Variants in ARID2 observed in about 807,000 individuals in gnomAD.
ARID2 encodes AT-rich interactive domain-containing protein 2.
Under a neutral mutation model 184.6 loss-of-function variants are expected in ARID2, and 32 were observed. The observed-to-expected ratio is 0.17, with a 90% CI of 0.13 to 0.23. ARID2 has a LOEUF of 0.23. Among genes scored for constraint, ARID2 ranks in the 10% least tolerant of loss-of-function variants. The probability of loss-of-function intolerance (pLI) is 1.00; values close to 1 mark genes in which losing one functional copy is unlikely to be tolerated. For missense variants in ARID2, 1,696 were observed against 2,197.6 expected (o/e 0.77, Z 4.56); for synonymous variants, 836 against 772.6 (o/e 1.08, Z -1.36).
chr12:45,836,158 A>G (rs1443893604), intron 6 of ARID2, among the ~76,000 whole-genome samples: 1 of 152,234 alleles, frequency 6.6e-6, no homozygotes, highest in Non-Finnish European at 1.5e-5. Flanking sequence ...CACATGAACT[A>G]AAAATAAGTA....
At chr12:45,811,610 A>G (rs1942710233) in intron 4 of ARID2, 59 bp downstream of exon 4, 1 of 1,573,852 alleles carries the variant, frequency 6.4e-7, no homozygotes, top group African/African-American at 1.4e-5. Context: ...AGGAAAATAG[A>G]CATCATCCAA....
chr12:45,894,788 T>C (rs1944348157), intron 20 of ARID2, among the ~76,000 whole-genome samples: 1 of 152,218 alleles, frequency 6.6e-6, no homozygotes, highest in Admixed American at 6.5e-5. Flanking sequence ...AGTATCTTCA[T>C]GATTTAGTTC....
chr12:45,865,740 T>G (rs1405452339), intron 16 of ARID2, among the ~76,000 whole-genome samples: 2 of 152,124 alleles, frequency 1.3e-5, no homozygotes, highest in African/African-American at 4.8e-5. Context: ...ACTTTTTTCT[T>G]CAATTTGTCA....
At chr12:45,813,703 A>G (rs541464828) in intron 4 of ARID2, among the ~76,000 whole-genome samples, 3 of 152,320 alleles carry the variant, frequency 2.0e-5, no homozygotes, top group African/African-American at 7.2e-5. Flanking sequence ...GTGCTAGAAT[A>G]TAGAACATCG....
chr12:45,742,607 T>G (rs578108896), intron 3 of ARID2, among the ~76,000 whole-genome samples: 8 of 152,338 alleles, frequency 5.3e-5, no homozygotes, highest in Admixed American at 3.3e-4. Flanking sequence ...GTTCATAGAA[T>G]CCCATTATTA....
intron 3 of ARID2, among the ~76,000 whole-genome samples, chr12:45,789,855 G>C (rs987097293): frequency 7.9e-5 from 12 of 152,126 alleles, no homozygotes; most frequent in African/African-American, 2.9e-4. Context: ...AGTGGCTTAT[G>C]TCTGTAATCC....
At position 45,849,725 on chromosome 12, in the gene ARID2, G is replaced by A. The variant is rs201224068; in HGVS notation, c.1861G>A (p.Val621Ile). ...TCAGCAGCAACCAGTTTCTACTTCT[G>A]TTGTTCGTGTTGATTCTGTTCCTGA... ...YYQQQPVSTSVVRVDSVPDVS... is the reference protein window; with the variant it reads ...YYQQQPVSTSIVRVDSVPDVS... The change falls in exon 14 of 21, where the codon GTT becomes ATT. Residue 621 changes from valine to isoleucine, a missense_variant. This residue lies in a region of ARID2 where 713 missense variants were observed against 824.4 expected (regional missense o/e 0.86). Coordinates refer to ENST00000334344, the MANE Select transcript of ARID2 (RefSeq NM_152641.4). 6.8e-6 allele frequency: 11 copies of A among 1,613,722 alleles called. No individual in the cohort carries two copies. Among genetic ancestry groups the A allele is most frequent in the Non-Finnish European group, 7.6e-6 (9 of 1,179,752 alleles).
intron 11 of ARID2, chr12:45,842,289 A>ATG (rs1199483653): frequency 1.3e-5 from 2 of 150,782 alleles, no homozygotes; most frequent in African/African-American, 4.9e-5. Flanking sequence ...ACACACACAT[A>ATG]TGTGTGTGTA....
At chr12:45,760,579 A>G (rs776883141) in intron 3 of ARID2, among the ~76,000 whole-genome samples, 1 of 151,870 alleles carries the variant, frequency 6.6e-6, no homozygotes, top group Non-Finnish European at 1.5e-5. Context: ...GCTTATGTAC[A>G]TTGAGACTGT....
At chr12:45,730,224 G>C (rs1298309972) in intron 2 of ARID2, 87 bp downstream of exon 2, 6 of 1,357,290 alleles carry the variant, frequency 4.4e-6, no homozygotes, top group Non-Finnish European at 6.1e-6. Flanking sequence ...CTTGGGGCTG[G>C]GGGGGTGGCC....
chr12:45,793,492 C>T (rs1942330990), intron 3 of ARID2, among the ~76,000 whole-genome samples: 1 of 151,586 alleles, frequency 6.6e-6, no homozygotes, highest in South Asian at 2.1e-4. Flanking sequence ...AATTGAAAGA[C>T]CTAATTGAAA....
At chr12:45,882,380 T>C (rs892088826) in intron 16 of ARID2, 2 of 152,224 alleles carry the variant, frequency 1.3e-5, no homozygotes, top group Non-Finnish European at 2.9e-5. Context: ...TAATGCTTTG[T>C]CTGATAGAAA....
chr12:45,898,289 G>A (rs531829064), intron 20 of ARID2, among the ~76,000 whole-genome samples: 34 of 152,290 alleles, frequency 2.2e-4, no homozygotes, highest in African/African-American at 7.7e-4. Flanking sequence ...GTTCAGGAAT[G>A]GAGAGTTACT....
intron 6 of ARID2, among the ~76,000 whole-genome samples, chr12:45,832,485 G>A (rs1352074373): frequency 6.6e-6 from 1 of 150,504 alleles, no homozygotes; most frequent in Non-Finnish European, 1.5e-5. Flanking sequence ...TTTTTGTTTT[G>A]TTTGTTTTAG....
intron 3 of ARID2, among the ~76,000 whole-genome samples, chr12:45,753,331 G>T (rs1335810272): frequency 6.6e-6 from 1 of 151,968 alleles, no homozygotes; most frequent in Non-Finnish European, 1.5e-5. Context: ...CCTCATGATG[G>T]TCTGTAGCGT....
intron 16 of ARID2, among the ~76,000 whole-genome samples, chr12:45,863,703 C>T (rs10161510): frequency 0.093 from 14,162 of 152,040 alleles, 2,245 homozygotes; most frequent in African/African-American, 0.32. Context: ...GTTGAAATAG[C>T]TATGTGCTCT....
intron 14 of ARID2, 96 bp from the exon 15 acceptor site, chr12:45,849,940 A>C (rs1231521673): frequency 4.1e-6 from 6 of 1,467,300 alleles, no homozygotes; most frequent in Non-Finnish European, 3.6e-6. Flanking sequence ...GTTAGATGTT[A>C]ATTTCTTAAA....
intron 4 of ARID2, among the ~76,000 whole-genome samples, chr12:45,813,858 G>A (rs764349179): frequency 6.6e-6 from 1 of 152,070 alleles, no homozygotes; most frequent in Non-Finnish European, 1.5e-5. Flanking sequence ...GTACATGGTG[G>A]TTTTTATCAT....
intron 3 of ARID2, among the ~76,000 whole-genome samples, chr12:45,797,108 T>C (rs575388262): frequency 6.6e-6 from 1 of 152,344 alleles, no homozygotes; most frequent in South Asian, 2.1e-4. Context: ...ATCAATCCTT[T>C]TTATAATGAT....
Sources: allele counts gnomAD v4.1 joint callset (sites outside exome capture counted in the v4.1 genomes callset), GRCh38; gene constraint gnomAD v4.1.1; regional missense constraint gnomAD v4.1.1; transcripts MANE v1.5; gene names NCBI Gene and HGNC (gene_info 2026-07-23, HGNC 2026-07-21).